IMMP2L: variants seen among roughly 807,000 people sequenced by gnomAD.
IMMP2L encodes inner mitochondrial membrane peptidase subunit 2, also known as mitochondrial inner membrane protease subunit 2.
In IMMP2L, 18 loss-of-function variants were observed where a neutral mutation model predicts 19.3. The ratio of observed to expected loss-of-function variants is 0.93; its 90% CI spans 0.64 to 1.38. The LOEUF is 1.38. Among genes scored for constraint, IMMP2L ranks in the 40% most tolerant of loss-of-function variants. The pLI is 0.00. For missense variants in IMMP2L, 233 were observed against 218.2 expected (o/e 1.07, Z -0.43); for synonymous variants, 76 against 73.0 (o/e 1.04, Z -0.21).
intron 3 of IMMP2L, among the ~76,000 whole-genome samples, chr7:111,113,438 AG>A (rs1300853416): frequency 6.6e-6 from 1 of 152,016 alleles, no homozygotes; most frequent in Non-Finnish European, 1.5e-5. Flanking sequence ...AAGGCCCTAG[AG>A]AGTAGTGCTT....
intron 3 of IMMP2L, among the ~76,000 whole-genome samples, chr7:111,030,882 GTGTA>G (rs1427868362): frequency 3.5e-4 from 18 of 50,766 alleles, no homozygotes; most frequent in East Asian, 3.2e-3. Context: ...GTGTGTGTGT[GTGTA>G]TATATATATA....
rs74797298 is a variant in IMMP2L at position 110,797,253 on chromosome 7, T to C, written c.408+89340A>G. Among the ~76,000 whole-genome samples the C allele has an allele frequency of 9.6e-3, 1,459 of 152,066 alleles. 14 individuals are homozygous for C. Among genetic ancestry groups the C allele is most frequent in the Admixed American group, 0.019 (294 of 15,234 alleles). ...TACCTTATTTCACAAACTGAAAGTC[T>C]AAGTGAAATAAAAATCCTGAATGAA... On this transcript the variant is annotated intron_variant, in intron 5 of 5. Transcript: ENST00000405709.
intron 5 of IMMP2L, among the ~76,000 whole-genome samples, chr7:110,665,342 C>A (rs867414614): frequency 1.3e-5 from 2 of 152,236 alleles, no homozygotes; most frequent in African/African-American, 4.8e-5. Flanking sequence ...TGACATCATG[C>A]TAAATTTATC....
At chr7:111,459,968 T>A (rs530750943) in intron 3 of IMMP2L, among the ~76,000 whole-genome samples, 191 of 152,268 alleles carry the variant, frequency 1.3e-3, no homozygotes, top group African/African-American at 4.4e-3. Flanking sequence ...AATAAAGTTA[T>A]CTTAGATTTC....
At chr7:111,498,692 A>G (rs1473724158) in intron 2 of IMMP2L, among the ~76,000 whole-genome samples, 1 of 152,202 alleles carries the variant, frequency 6.6e-6, no homozygotes, top group Non-Finnish European at 1.5e-5. Context: ...CATGGCTTAT[A>G]TAATATCTGT....
intron 3 of IMMP2L, among the ~76,000 whole-genome samples, chr7:111,473,956 T>C (rs1841494597): frequency 6.6e-6 from 1 of 152,088 alleles, no homozygotes; most frequent in South Asian, 2.1e-4. Context: ...AAAGAAAGTG[T>C]GGTACAAATA....
At chr7:110,977,841 T>C (rs930257199) in intron 3 of IMMP2L, among the ~76,000 whole-genome samples, 52 of 152,024 alleles carry the variant, frequency 3.4e-4, no homozygotes, top group African/African-American at 1.3e-3. Flanking sequence ...GGCCCAGTAA[T>C]TTGACAATTT....
At chr7:111,406,444 T>C (rs1054788702) in intron 3 of IMMP2L, among the ~76,000 whole-genome samples, 2 of 152,064 alleles carry the variant, frequency 1.3e-5, no homozygotes, top group Non-Finnish European at 2.9e-5. Context: ...CACTCAATTT[T>C]TACAGAGCAT....
At chr7:111,080,051 C>A (rs570638712) in intron 3 of IMMP2L, among the ~76,000 whole-genome samples, 5 of 152,068 alleles carry the variant, frequency 3.3e-5, no homozygotes, top group Non-Finnish European at 7.4e-5. Context: ...ATAAATTACC[C>A]AGTCTATGGT....
intron 3 of IMMP2L, among the ~76,000 whole-genome samples, chr7:110,965,463 A>G (rs889564477): frequency 3.3e-5 from 5 of 152,024 alleles, no homozygotes; most frequent in African/African-American, 1.2e-4. Context: ...ACAGTTTTTC[A>G]CTAAGTTAAC....
At chr7:111,229,893 C>A (rs764265274) in intron 3 of IMMP2L, among the ~76,000 whole-genome samples, 2 of 151,886 alleles carry the variant, frequency 1.3e-5, no homozygotes, top group Non-Finnish European at 2.9e-5. Context: ...GTGTAAAGAA[C>A]GGAAGATTAT....
intron 5 of IMMP2L, among the ~76,000 whole-genome samples, chr7:110,845,920 A>G (rs1262762078): frequency 6.6e-6 from 1 of 152,158 alleles, no homozygotes; most frequent in Non-Finnish European, 1.5e-5. Flanking sequence ...AAAGGTGCCA[A>G]CTATAAACCA....
chr7:111,243,271 C>A (rs1315778573), intron 3 of IMMP2L, among the ~76,000 whole-genome samples: 1 of 151,742 alleles, frequency 6.6e-6, no homozygotes, highest in Non-Finnish European at 1.5e-5. Context: ...TAAAAGAGTT[C>A]TCAATAAATA....
chr7:111,432,031 A>T lies in IMMP2L; in HGVS notation c.239+55207T>A, dbSNP rs1440882655. 2.0e-5 allele frequency among the ~76,000 whole-genome samples: 3 copies of T among 151,874 alleles called. No individual in the cohort carries two copies. The East Asian group carries it at 5.8e-4, about 29-fold the overall frequency. On this transcript the variant is annotated intron_variant, in intron 3 of 5. Coordinates refer to ENST00000405709, the MANE Select transcript of IMMP2L (RefSeq NM_032549.4). ...ATTAATTGAACCCAAAGAGGGGGTC[A>T]TGGGAACTGCAACTTGAAGCCAGTT...
At chr7:110,830,566 C>A (rs1803881650) in intron 5 of IMMP2L, among the ~76,000 whole-genome samples, 1 of 152,026 alleles carries the variant, frequency 6.6e-6, no homozygotes, top group Non-Finnish European at 1.5e-5. Context: ...AGAAGGCCAT[C>A]TTGTACTGCA....
intron 3 of IMMP2L, among the ~76,000 whole-genome samples, chr7:110,981,091 G>A (rs1821247453): frequency 6.6e-6 from 1 of 152,142 alleles, no homozygotes; most frequent in South Asian, 2.1e-4. Context: ...CAATTATTGA[G>A]TTTGCAAATT....
intron 3 of IMMP2L, among the ~76,000 whole-genome samples, chr7:111,020,400 G>A (rs939525934): frequency 5.9e-5 from 9 of 151,852 alleles, no homozygotes; most frequent in African/African-American, 1.7e-4. Flanking sequence ...ACAAGCAAAC[G>A]AAAAAACCAA....
At chr7:111,131,425 T>C (rs1801835449) in intron 3 of IMMP2L, among the ~76,000 whole-genome samples, 1 of 152,016 alleles carries the variant, frequency 6.6e-6, no homozygotes, top group Non-Finnish European at 1.5e-5. Flanking sequence ...CATTTATATT[T>C]ACTTGAGTAG....
chr7:111,375,522 G>T lies in IMMP2L; in HGVS notation c.239+111716C>A, dbSNP rs537758834. On this transcript the variant is annotated intron_variant, in intron 3 of 5. Transcript: ENST00000405709. ...CCTGTGAACAGATTTCCTGAGTTTGGTAAAAGCGACTTTTTTTTTTCAAGA... is the reference window on the plus strand; with the variant it reads ...CCTGTGAACAGATTTCCTGAGTTTGTTAAAAGCGACTTTTTTTTTTCAAGA... Among the ~76,000 whole-genome samples, 81 of 151,792 alleles carry T rather than the reference G, an allele frequency of 5.3e-4. 2 individuals are homozygous for T. The highest frequency in any genetic ancestry group is 1.0e-3 in the South Asian group (5 of 4,792).
Sources: gnomAD v4.1 joint callset for allele counts (sites outside exome capture counted in the v4.1 genomes callset) on GRCh38, gnomAD v4.1.1 for gene constraint, MANE v1.5 for transcripts, NCBI Gene and HGNC (gene_info 2026-07-23, HGNC 2026-07-21) for gene names.